KIRREL3: variants seen among roughly 807,000 people sequenced by gnomAD.
KIRREL3 encodes the protein kirre like nephrin family adhesion molecule 3.
KIRREL3 carries 36 observed loss-of-function variants against 89.7 expected under a neutral mutation model. The ratio of observed to expected loss-of-function variants is 0.40; its 90% CI spans 0.31 to 0.53. The LOEUF (loss-of-function observed/expected upper bound fraction) is 0.53, where lower values mean the gene tolerates loss of function less well. Ranked by LOEUF, KIRREL3 falls within the 20% of genes least tolerant of loss-of-function variation. The pLI is 0.49. For synonymous variants in KIRREL3, 445 were observed against 441.4 expected, an observed-to-expected ratio of 1.01 and a Z score of -0.10; for missense variants, 864 against 1,056.6, an observed-to-expected ratio of 0.82 and a Z score of 2.53.
At chr11:126,617,512 G>A (rs1033594146) in intron 1 of KIRREL3, among the ~76,000 whole-genome samples, 1 of 152,164 alleles carries the variant, frequency 6.6e-6, no homozygotes, top group Non-Finnish European at 1.5e-5. Flanking sequence ...ATTTTCTCAG[G>A]AAAAGAAATA....
At position 126,552,234 on chromosome 11, in the gene KIRREL3, T is replaced by C. The variant is rs1457291664; in HGVS notation, c.133+10601A>G. Reference sequence around the variant, plus strand: ...GACATTGGGTTCGGCCACTGTGTGGTCCAGATGGCTGCTGGCAGCACTAGT... The same window carrying C: ...GACATTGGGTTCGGCCACTGTGTGGCCCAGATGGCTGCTGGCAGCACTAGT... On this transcript the variant is annotated intron_variant, in intron 2 of 16. Transcript: ENST00000525144. Among the ~76,000 whole-genome samples, 3 of 152,344 alleles carry C rather than the reference T, an allele frequency of 2.0e-5. No homozygotes were observed. The East Asian group carries it at 5.8e-4, about 29-fold the overall frequency.
chr11:126,781,473 T>A (rs955545669), intron 1 of KIRREL3, among the ~76,000 whole-genome samples: 16 of 152,354 alleles, frequency 1.1e-4, no homozygotes, highest in African/African-American at 2.9e-4. Context: ...GAAATCATAC[T>A]GTGTATACAA....
chr11:126,956,293 C>G (rs1283009887), intron 1 of KIRREL3, among the ~76,000 whole-genome samples: 1 of 152,212 alleles, frequency 6.6e-6, no homozygotes, highest in Non-Finnish European at 1.5e-5. Flanking sequence ...GCTCAGCTCT[C>G]CTTCTTACTC....
rs1957026866 is a variant in KIRREL3, at chr11:126,475,056, G to A, written c.434-1590C>T. ...GGCTGAGAGAGGCCCAGGGCCTCTG[G>A]ACACATCAAGACGTGAGCTGTCTGT... On this transcript the variant is annotated intron_variant, in intron 4 of 16. Transcript: ENST00000525144. This position sits in a 1 kb window ranked among gnomAD's most constrained non-coding sequence, Gnocchi z 7.5. Among the ~76,000 whole-genome samples, 1 of 152,174 alleles carries A rather than the reference G, an allele frequency of 6.6e-6. No individual in the cohort carries two copies. Among genetic ancestry groups the A allele is most frequent in the Non-Finnish European group, 1.5e-5 (1 of 68,024 alleles).
chr11:126,644,451 C>T (rs2134944069), intron 1 of KIRREL3, among the ~76,000 whole-genome samples: 1 of 152,324 alleles, frequency 6.6e-6, no homozygotes, highest in South Asian at 2.1e-4. Flanking sequence ...TTGAGTCGTG[C>T]ATTTCAAGAT....
Position 126,837,048 on chromosome 11 carries a change from G to A in KIRREL3, c.55+163407C>T, listed in dbSNP as rs760447931. On this transcript the variant is annotated intron_variant, in intron 1 of 16. Transcript: ENST00000525144. The surrounding 1 kb of genome is among the most constrained non-coding windows in gnomAD (Gnocchi z 4.7). ...TAAGTATTTTTTTGGGGGGCGGGGGGTTGAATGAATGAACTAACAAACAGC... is the reference window on the plus strand; with the variant it reads ...TAAGTATTTTTTTGGGGGGCGGGGGATTGAATGAATGAACTAACAAACAGC... 6.6e-6 allele frequency among the ~76,000 whole-genome samples: 1 copy of A among 151,984 alleles called. No homozygotes were observed. The highest frequency in any genetic ancestry group is 1.5e-5 in the Non-Finnish European group (1 of 67,992).
At chr11:126,722,766 G>A (rs1194181521) in intron 1 of KIRREL3, among the ~76,000 whole-genome samples, 1 of 152,216 alleles carries the variant, frequency 6.6e-6, no homozygotes, top group East Asian at 1.9e-4. Context: ...AAGGATTTTT[G>A]TCTGTCTTCT....
rs372192656 is a variant in KIRREL3 at position 126,754,485 on chromosome 11, A to G, written c.56-191573T>C. Among the ~76,000 whole-genome samples, 25 of 152,260 alleles carry G rather than the reference A, an allele frequency of 1.6e-4. 1 individual carries two copies. The highest frequency in any genetic ancestry group is 6.0e-4 in the African/African-American group (25 of 41,548). On this transcript the variant is annotated intron_variant, in intron 1 of 16. Transcript: ENST00000525144. The surrounding 1 kb of genome is among the most constrained non-coding windows in gnomAD (Gnocchi z 5.1). ...TAATGCTAATTAACATGCACAGAAA[A>G]TATCAGAACAAAATGGGCAGAGTCT... is the stretch of plus-strand genomic sequence containing the variant.
Position 126,715,495 on chromosome 11 carries a change from T to C in KIRREL3, c.56-152583A>G, listed in dbSNP as rs1426614997. ...ATCACTGTGATCTTAAGGAAAGAAA[T>C]GATCAGGGCAAATGGCTCCAAATGA... is the stretch of plus-strand genomic sequence containing the variant. On this transcript the variant is annotated intron_variant, in intron 1 of 16. Coordinates refer to ENST00000525144, the MANE Select transcript of KIRREL3 (RefSeq NM_032531.4). This position sits in a 1 kb window ranked among gnomAD's most constrained non-coding sequence, Gnocchi z 4.4. Among the ~76,000 whole-genome samples, 3 of 152,128 alleles carry C rather than the reference T, an allele frequency of 2.0e-5. No homozygotes were observed. The highest frequency in any genetic ancestry group is 1.3e-4 in the Admixed American group (2 of 15,270).
intron 1 of KIRREL3, among the ~76,000 whole-genome samples, chr11:126,834,437 C>T (rs1943711190): frequency 6.6e-6 from 1 of 152,220 alleles, no homozygotes; most frequent in Non-Finnish European, 1.5e-5. Context: ...AGTTATTTGC[C>T]TTTTCAGAAG....
intron 1 of KIRREL3, among the ~76,000 whole-genome samples, chr11:126,741,877 T>C (rs1182949679): frequency 6.6e-6 from 1 of 152,244 alleles, no homozygotes; most frequent in African/African-American, 2.4e-5. Flanking sequence ...GAAAGTTCAA[T>C]GGCTCATCCA....
chr11:126,718,344 G>A (rs1205717756), intron 1 of KIRREL3, among the ~76,000 whole-genome samples: 2 of 151,532 alleles, frequency 1.3e-5, no homozygotes, highest in Non-Finnish European at 1.5e-5. Context: ...GCATGCAGGT[G>A]CAAGTTGCGG....
rs1277748659 is a variant in KIRREL3 at position 126,501,581 on chromosome 11, A to G, written c.433+19734T>C. On this transcript the variant is annotated intron_variant, in intron 4 of 16. Coordinates refer to ENST00000525144, the MANE Select transcript of KIRREL3 (RefSeq NM_032531.4). The surrounding 1 kb of genome is among the most constrained non-coding windows in gnomAD (Gnocchi z 5.8). ...ATTTGAACCCAGGCTGTTCAACTCC[A>G]AGTTCTGGGCTCTTTAAAATAGGGC... 6.6e-6 allele frequency among the ~76,000 whole-genome samples: 1 copy of G among 152,198 alleles called. No individual in the cohort carries two copies. Among genetic ancestry groups the G allele is most frequent in the African/African-American group, 2.4e-5 (1 of 41,442 alleles).
intron 1 of KIRREL3, among the ~76,000 whole-genome samples, chr11:126,858,052 T>C (rs1946064): frequency 0.81 from 123,306 of 152,172 alleles, 50,112 homozygotes; most frequent in East Asian, 1. Flanking sequence ...ACTTACCGTG[T>C]GAACTGCCTC....
At position 126,462,544 on chromosome 11, in the gene KIRREL3, C is replaced by A. The variant is rs1413343682; in HGVS notation, c.742+613G>T. On this transcript the variant is annotated intron_variant, in intron 6 of 16. Transcript: ENST00000525144. This position sits in a 1 kb window ranked among gnomAD's most constrained non-coding sequence, Gnocchi z 4.8. ...GCTGGGTGTAGTGATGGATGCCTGT[C>A]ATCCCAGCTACTCAGGCAGGCTAAG... is the stretch of plus-strand genomic sequence containing the variant. Among the ~76,000 whole-genome samples the A allele has an allele frequency of 6.6e-6, 1 of 152,116 alleles. No individual in the cohort carries two copies. Among genetic ancestry groups the A allele is most frequent in the Non-Finnish European group, 1.5e-5 (1 of 68,018 alleles).
rs1948544847 is a variant in KIRREL3 at position 126,729,887 on chromosome 11, G to C, written c.56-166975C>G. 1.3e-5 allele frequency among the ~76,000 whole-genome samples: 2 copies of C among 152,154 alleles called. No individual in the cohort carries two copies. Among genetic ancestry groups the C allele is most frequent in the South Asian group, 4.2e-4 (2 of 4,814 alleles). On this transcript the variant is annotated intron_variant, in intron 1 of 16. Coordinates refer to ENST00000525144, the MANE Select transcript of KIRREL3 (RefSeq NM_032531.4). The surrounding 1 kb of genome is among the most constrained non-coding windows in gnomAD (Gnocchi z 4.5). The stretch of plus-strand genomic sequence containing the variant: ...CATAGGCTCCTCTGCTCCTAAACCA[G>C]TCCTTTGAGGTATCTGGCAGACAGT...
chr11:126,981,348 C>T lies in KIRREL3; in HGVS notation c.55+19107G>A, dbSNP rs1949713322. Among the ~76,000 whole-genome samples, 1 of 152,176 alleles carries T rather than the reference C, an allele frequency of 6.6e-6. No homozygotes were observed. The highest frequency in any genetic ancestry group is 1.5e-5 in the Non-Finnish European group (1 of 68,028). ...CAGTATCAAGTGATTTCTTATGAGA[C>T]CCTGAAGAAGGAGGCTGATGGCCAT... On this transcript the variant is annotated intron_variant, in intron 1 of 16. Coordinates refer to ENST00000525144, the MANE Select transcript of KIRREL3 (RefSeq NM_032531.4). The surrounding 1 kb of genome is among the most constrained non-coding windows in gnomAD (Gnocchi z 4.2).
chr11:126,857,489 T>TA lies in KIRREL3; in HGVS notation c.55+142965dup, dbSNP rs201658271. Among the ~76,000 whole-genome samples the TA allele has an allele frequency of 3.1e-3, 469 of 152,282 alleles. 2 individuals are homozygous for TA. The highest frequency in any genetic ancestry group is 0.011 in the African/African-American group (451 of 41,560). ...ATCAAGCTGAGACTGGGACTTTACT[T>TA]AAAATCACACTTCTGTTTGGCATCA... On this transcript the variant is annotated intron_variant, in intron 1 of 16. Transcript: ENST00000525144.
Position 127,000,750 on chromosome 11 carries a change from C to T in KIRREL3, c.-241G>A, listed in dbSNP as rs1403162876. 1 of 530,824 alleles carries T rather than the reference C, an allele frequency of 1.9e-6. No homozygotes were observed. The highest frequency in any genetic ancestry group is 1.9e-5 in the African/African-American group (1 of 51,882). The allele number at this position is 530,824 out of a possible 1,614,324, so 32.9% of individuals were successfully genotyped here. On this transcript the variant is annotated 5_prime_UTR_variant, in exon 1 of 17. The change creates a new upstream start codon in the 5' untranslated region. Coordinates refer to ENST00000525144, the MANE Select transcript of KIRREL3 (RefSeq NM_032531.4). This position sits in a 1 kb window ranked among gnomAD's most constrained non-coding sequence, Gnocchi z 7.1. Reference sequence around the variant, plus strand: ...GCCGGGATTGTCAGCAATGTCCCCACTCGGAGAAGATCCATTCTCTGGCTC... The same window carrying T: ...GCCGGGATTGTCAGCAATGTCCCCATTCGGAGAAGATCCATTCTCTGGCTC...
Sources: gnomAD v4.1 joint callset for allele counts (sites outside exome capture counted in the v4.1 genomes callset) on GRCh38, gnomAD v4.1.1 for gene constraint, Gnocchi (gnomAD v3.1) non-coding constraint, MANE v1.5 for transcripts, NCBI Gene and HGNC (gene_info 2026-07-23, HGNC 2026-07-21) for gene names.